Variants in SIGLEC10 observed in about 807,000 individuals in gnomAD.
SIGLEC10 encodes the protein sialic acid binding Ig like lectin 10, also known as sialic acid-binding Ig-like lectin 10.
In SIGLEC10, 45 loss-of-function variants were observed where a neutral mutation model predicts 68.3. The observed-to-expected ratio is 0.66, with a 90% CI of 0.52 to 0.84. The LOEUF is 0.84. Ranked by LOEUF, SIGLEC10 falls within the 40% of genes least tolerant of loss-of-function variation. The pLI is 0.00. For missense variants in SIGLEC10, 789 were observed against 883.1 expected, an observed-to-expected ratio of 0.89 and a Z score of 1.35; for synonymous variants, 379 against 370.8, an observed-to-expected ratio of 1.02 and a Z score of -0.26.
chr19:51,415,811 G>A lies in SIGLEC10; in HGVS notation c.1024+87C>T, dbSNP rs1988560306. On this transcript the variant is annotated intron_variant, in intron 5 of 10. Transcript: ENST00000339313. ...TCGGTCTCCGAGGCCTGGGGCTCCA[G>A]GCCCCCTCAGCTCTGGGACCCTGAG... The A allele has an allele frequency of 3.1e-6, 5 of 1,590,418 alleles. No individual in the cohort carries two copies. In the South Asian group the frequency reaches 5.6e-5, roughly 18 times the overall value.
chr19:51,411,120 A>G lies in SIGLEC10; in HGVS notation c.2073T>C (p.Tyr691=). Residue 691 remains tyrosine, a synonymous_variant, in exon 11 of 11, where the codon TAT becomes TAC. Transcript: ENST00000339313. ...ARMPKGTQAD[Y]AEVKFQ is the part of the protein sequence containing the mutation. ...ACCCTCATTGGAACTTGACTTCTGC[A>G]TAATCCGCCTGGGTGCCCTTGGGCA... is the stretch of plus-strand genomic sequence containing the variant. 2.5e-6 allele frequency: 4 copies of G among 1,614,018 alleles called. No homozygotes were observed. Among genetic ancestry groups the G allele is most frequent in the East Asian group, 2.2e-5 (1 of 44,890 alleles).
At chr19:51,413,471 A>G (rs1214357036) in intron 10 of SIGLEC10, among the ~76,000 whole-genome samples, 1 of 152,212 alleles carries the variant, frequency 6.6e-6, no homozygotes, top group Non-Finnish European at 1.5e-5. Flanking sequence ...AGATTGAGAA[A>G]GTGCATGTAT....
In SIGLEC10 at chr19:51,416,686, G is replaced by C. The variant is rs1568501652; in HGVS notation, c.686C>G (p.Thr229Ser). Reference sequence around the variant, plus strand: ...CTCACAGGCCACACGGAGTCGGACGGTCCTCTGTGCGCTCACACCCTTTCT... The same window carrying C: ...CTCACAGGCCACACGGAGTCGGACGCTCCTCTGTGCGCTCACACCCTTTCT... ...FSRKGVSAQR[T>S]VRLRVAYAPR... Residue 229 changes from threonine to serine, a missense_variant, in exon 3 of 11, where the codon ACC becomes AGC. Physicochemically the swap from Thr to Ser is moderately conservative, Grantham distance 58 (BLOSUM62 1). Coordinates refer to ENST00000339313, the MANE Select transcript of SIGLEC10 (RefSeq NM_033130.5). The C allele has an allele frequency of 6.2e-6, 10 of 1,613,938 alleles. No individual in the cohort carries two copies. Among genetic ancestry groups the C allele is most frequent in the Non-Finnish European group, 5.9e-6 (7 of 1,180,010 alleles).
In SIGLEC10 at chr19:51,415,591, A is replaced by G. The variant is rs1484964132; in HGVS notation, c.1049T>C (p.Met350Thr). 1 of 1,613,904 alleles carries G rather than the reference A, an allele frequency of 6.2e-7. No homozygotes were observed. The highest frequency in any genetic ancestry group is 1.1e-5 in the South Asian group (1 of 91,070). The change falls in exon 6 of 11, where the codon ATG becomes ACG. Residue 350 changes from methionine (M) to threonine (T), a missense_variant. Met to Thr is a moderately conservative substitution (Grantham distance 81). Transcript: ENST00000339313. ...VQYPPENLRVMVSQANRTVLE... is the reference protein window; with the variant it reads ...VQYPPENLRVTVSQANRTVLE... ...ACCTGTCCTGTTTGCTTGGGAAACC[A>G]TCACTCTCAGGTTCTCTGGAGGATC...
At position 51,414,857 on chromosome 19, in the gene SIGLEC10, C is replaced by T. The variant is rs1243578699; in HGVS notation, c.1582G>A (p.Gly528Arg). 8.1e-6 allele frequency: 13 copies of T among 1,614,100 alleles called. No individual in the cohort carries two copies. The highest frequency in any genetic ancestry group is 1.0e-5 in the Non-Finnish European group (12 of 1,180,026). ...TGCAGGATGGATCCACTCTGGGCCC[C>T]ATGGACGTTCCAGGCCTCACAGCGG... ...RLRCEAWNVH[G>R]AQSGSILQLP... The change falls in exon 8 of 11, where the codon GGG (glycine) becomes AGG (arginine). Residue 528 changes from glycine (G) to arginine (R), a missense_variant. Gly to Arg is a moderately radical substitution (Grantham distance 125). Transcript: ENST00000339313. This position sits in a 1 kb window ranked among gnomAD's most constrained non-coding sequence, Gnocchi z 4.1.
Position 51,416,187 on chromosome 19 carries a change from A to G in SIGLEC10, c.755-20T>C, listed in dbSNP as rs1568500565. On this transcript the variant is annotated intron_variant, in intron 4 of 10. Transcript: ENST00000339313. ...CCAGGGCTGGAGTGGGAGGAAAAAA[A>G]AAAAAGAGAGAAAGGGAGGGAGAAA... 4 of 1,604,032 alleles carry G rather than the reference A, an allele frequency of 2.5e-6. No homozygotes were observed. The highest frequency in any genetic ancestry group is 3.4e-6 in the Non-Finnish European group (4 of 1,177,060).
In SIGLEC10 at chr19:51,417,556, G is replaced by A. The variant is rs201054656; in HGVS notation, c.26C>T (p.Ser9Leu). 241 of 1,614,222 alleles carry A rather than the reference G, an allele frequency of 1.5e-4. No homozygotes were observed. Among genetic ancestry groups the A allele is most frequent in the Middle Eastern group, 3.3e-4 (2 of 6,062 alleles). Reference sequence around the variant, plus strand: ...CTTGGCCCACTCACCGCCCAGCAGCGAGGACAGCAGCAGTGGCAGTAGCAT... The same window carrying A: ...CTTGGCCCACTCACCGCCCAGCAGCAAGGACAGCAGCAGTGGCAGTAGCAT... MLLPLLLS[S>L]LLGGSQAMDG... Residue 9 changes from serine to leucine, a missense_variant, in exon 1 of 11, where the codon TCG becomes TTG. By Grantham distance (145) the Ser-to-Leu change is moderately radical. Coordinates refer to ENST00000339313, the MANE Select transcript of SIGLEC10 (RefSeq NM_033130.5).
In SIGLEC10 at chr19:51,416,170, G is replaced by A; in HGVS notation, c.755-3C>T. The stretch of plus-strand genomic sequence containing the variant: ...TCCCTGGGGCTGGGGCTCCAGGGCT[G>A]GAGTGGGAGGAAAAAAAAAAAAGAG... On this transcript the variant is annotated splice_region_variant and splice_polypyrimidine_tract_variant and intron_variant, in intron 4 of 10. Coordinates refer to ENST00000339313, the MANE Select transcript of SIGLEC10 (RefSeq NM_033130.5). 1 of 1,603,720 alleles carries A rather than the reference G, an allele frequency of 6.2e-7. No homozygotes were observed. The highest frequency in any genetic ancestry group is 8.5e-7 in the Non-Finnish European group (1 of 1,176,756).
At position 51,415,602 on chromosome 19, in the gene SIGLEC10, G is replaced by A; in HGVS notation, c.1038C>T (p.Asn346=). 1 of 1,613,938 alleles carries A rather than the reference G, an allele frequency of 6.2e-7. No individual in the cohort carries two copies. The highest frequency in any genetic ancestry group is 8.5e-7 in the Non-Finnish European group (1 of 1,179,846). ...TTGCTTGGGAAACCATCACTCTCAG[G>A]TTCTCTGGAGGATCTGAAATGGAGA... ...LDLSVQYPPE[N]LRVMVSQANR... Residue 346 remains asparagine (N), a synonymous_variant, in exon 6 of 11, where the codon AAC becomes AAT. Transcript: ENST00000339313.
At chr19:51,413,041 C>A (rs1283661001) in intron 10 of SIGLEC10, among the ~76,000 whole-genome samples, 1 of 152,062 alleles carries the variant, frequency 6.6e-6, no homozygotes, top group Non-Finnish European at 1.5e-5. Flanking sequence ...ATTAGACACC[C>A]ACATGGAGAT....
chr19:51,412,632 G>A (rs985245594), intron 10 of SIGLEC10, among the ~76,000 whole-genome samples: 6 of 151,348 alleles, frequency 4.0e-5, no homozygotes, highest in African/African-American at 1.5e-4. Context: ...CCATCACCAT[G>A]CCCAGGTAAT....
In SIGLEC10 at chr19:51,414,340, G is replaced by C. The variant is rs1051686147; in HGVS notation, c.1709+82C>G. ...TCCAGAGGTATACTGCGTTGATCAC[G>C]ACCTTCACTCTTTCGGCCTGCAACA... On this transcript the variant is annotated intron_variant, in intron 9 of 10. Transcript: ENST00000339313. The surrounding 1 kb of genome is among the most constrained non-coding windows in gnomAD (Gnocchi z 4.1). 2 of 1,165,530 alleles carry C rather than the reference G, an allele frequency of 1.7e-6. No homozygotes were observed. Among genetic ancestry groups the C allele is most frequent in the African/African-American group, 3.0e-5 (2 of 65,736 alleles). The allele number at this position is 1,165,530 out of a possible 1,614,324, so 72.2% of individuals were successfully genotyped here. A position where few individuals can be genotyped will look rare whatever the true frequency, so the allele number is the denominator to read the frequency against.
In SIGLEC10 at chr19:51,417,632, G is replaced by A. The variant is rs772223489; in HGVS notation, c.-51C>T. ...CCTGAGACAGGCCTGTTCTCTGGTC[G>A]TGCTGTGAGTGGCTCAGGGCTCTTG... On this transcript the variant is annotated 5_prime_UTR_variant, in exon 1 of 11. In the 5' UTR this introduces an upstream ATG that the reference lacks. Coordinates refer to ENST00000339313, the MANE Select transcript of SIGLEC10 (RefSeq NM_033130.5). 5.0e-6 allele frequency: 8 copies of A among 1,610,368 alleles called. No individual in the cohort carries two copies. Among genetic ancestry groups the A allele is most frequent in the South Asian group, 4.4e-5 (4 of 90,828 alleles).
chr19:51,414,873 C>T lies in SIGLEC10; in HGVS notation c.1566G>A (p.Glu522=), dbSNP rs766139915. The change falls in exon 8 of 11, where the codon GAG becomes GAA. Residue 522 remains glutamate (E), a synonymous_variant. Coordinates refer to ENST00000339313, the MANE Select transcript of SIGLEC10 (RefSeq NM_033130.5). The surrounding 1 kb of genome is among the most constrained non-coding windows in gnomAD (Gnocchi z 4.1). ...TCTGGGCCCCATGGACGTTCCAGGC[C>T]TCACAGCGGAGCCTGAGGCCGGAGC... ...GLSSGLRLRC[E]AWNVHGAQSG... 23 of 1,614,130 alleles carry T rather than the reference C, an allele frequency of 1.4e-5. No individual in the cohort carries two copies. The highest frequency in any genetic ancestry group is 1.9e-5 in the Non-Finnish European group (22 of 1,180,026).
At chr19:51,415,758 T>A in intron 5 of SIGLEC10, 140 bp downstream of exon 5, 1 of 1,570,404 alleles carries the variant, frequency 6.4e-7, no homozygotes. Context: ...AGACACAAAC[T>A]GCATGAGGGT....
At chr19:51,413,900 G>A (rs142972530) in intron 9 of SIGLEC10, 77 bp from the exon 10 acceptor site, 11 of 1,114,658 alleles carry the variant, frequency 9.9e-6, no homozygotes, top group South Asian at 6.3e-5. Context: ...ACCTGAGACC[G>A]TCACTATGAC....
chr19:51,411,789 T>C (rs1206264954), intron 10 of SIGLEC10, among the ~76,000 whole-genome samples: 22 of 151,798 alleles, frequency 1.4e-4, no homozygotes, highest in Admixed American at 1.4e-3. Flanking sequence ...GAGGTTGTAG[T>C]GCGCTGAGAC....
intron 9 of SIGLEC10, 85 bp from the exon 10 acceptor site, chr19:51,413,908 G>T: frequency 9.9e-7 from 1 of 1,010,566 alleles, no homozygotes; most frequent in Non-Finnish European, 1.6e-6. Flanking sequence ...CCGTCACTAT[G>T]ACAGTTACTA....
intron 10 of SIGLEC10, among the ~76,000 whole-genome samples, chr19:51,411,724 T>C (rs954307283): frequency 1.3e-5 from 2 of 152,178 alleles, no homozygotes; most frequent in African/African-American, 4.8e-5. Flanking sequence ...CACATGCCTG[T>C]GGTCCCAGCT....
Sources: allele counts gnomAD v4.1 joint callset (sites outside exome capture counted in the v4.1 genomes callset), GRCh38; gene constraint gnomAD v4.1.1; non-coding constraint Gnocchi (gnomAD v3.1); transcripts MANE v1.5; gene names NCBI Gene and HGNC (gene_info 2026-07-23, HGNC 2026-07-21).